Variants in CISTR observed in about 807,000 individuals in gnomAD.
CISTR encodes the protein chondrogenesis-associated transcript, also known as chondrogenic regulator lncRNA.
chr12:53,754,794 A>G (rs1219149234), intron 1 of CISTR, among the ~76,000 whole-genome samples: 1 of 152,080 alleles, frequency 6.6e-6, no homozygotes, highest in Non-Finnish European at 1.5e-5. Context: ...ATCTTGCTTC[A>G]TACTTTCAAT....
At chr12:53,754,041 C>T (rs578244667) in intron 1 of CISTR, among the ~76,000 whole-genome samples, 1 of 151,990 alleles carries the variant, frequency 6.6e-6, no homozygotes, top group Non-Finnish European at 1.5e-5. Flanking sequence ...GACATCTGCT[C>T]AGGCTATGAA....
intron 1 of CISTR, among the ~76,000 whole-genome samples, chr12:53,753,357 A>C (rs983464592): frequency 6.6e-6 from 1 of 152,208 alleles, no homozygotes; most frequent in Non-Finnish European, 1.5e-5. Flanking sequence ...ACCAAGAGGC[A>C]TGGAGCTCTG....
chr12:53,752,281 T>G (rs1313967919), intron 1 of CISTR, among the ~76,000 whole-genome samples: 1 of 152,226 alleles, frequency 6.6e-6, no homozygotes, highest in African/African-American at 2.4e-5. Context: ...CCCTACTAAT[T>G]GGGGCTCTTC....
At chr12:53,753,081 C>CAT (rs1937876137) in intron 1 of CISTR, among the ~76,000 whole-genome samples, 1 of 124,202 alleles carries the variant, frequency 8.1e-6, no homozygotes, top group Non-Finnish European at 1.9e-5. Context: ...CACACACACA[C>CAT]ACACACACAG....
intron 2 of CISTR, among the ~76,000 whole-genome samples, chr12:53,748,638 G>A (rs767180078): frequency 8.5e-5 from 13 of 152,268 alleles, no homozygotes; most frequent in South Asian, 6.2e-4. Context: ...GAGCAGTCAC[G>A]GACACAGAGG....
chr12:53,747,929 C>T (rs1937801371), intron 2 of CISTR, among the ~76,000 whole-genome samples: 1 of 152,126 alleles, frequency 6.6e-6, no homozygotes, highest in African/African-American at 2.4e-5. Flanking sequence ...CTTCCCACAC[C>T]CCCTTCCAGT....
At position 53,751,536 on chromosome 12, in the gene CISTR, G is replaced by A. The variant is rs1253908203; in HGVS notation, n.415-571C>T. 6.6e-6 allele frequency among the ~76,000 whole-genome samples: 1 copy of A among 152,192 alleles called. No individual in the cohort carries two copies. Among genetic ancestry groups the A allele is most frequent in the African/African-American group, 2.4e-5 (1 of 41,452 alleles). On this transcript the variant is annotated intron_variant and non_coding_transcript_variant, in intron 1 of 2. Coordinates refer to ENST00000669269, the Ensembl canonical transcript of CISTR. The surrounding 1 kb of genome is among the most constrained non-coding windows in gnomAD (Gnocchi z 4.6). ...CTGAACAATAAACAAGCTAAACGAG[G>A]CGCGCAGGACTCCCTGGTGGGCCCT...
At chr12:53,749,636 A>G (rs1937823862) in intron 2 of CISTR, among the ~76,000 whole-genome samples, 1 of 152,142 alleles carries the variant, frequency 6.6e-6, no homozygotes, top group Admixed American at 6.5e-5. Context: ...AGCAGGTTTC[A>G]GCAACTGCTG....
At chr12:53,749,628 C>T (rs115207911) in intron 2 of CISTR, among the ~76,000 whole-genome samples, 2,212 of 152,070 alleles carry the variant, frequency 0.015, 62 homozygotes, top group African/African-American at 0.051. Flanking sequence ...TTTAACATAG[C>T]AGGTTTCAGC....
At chr12:53,755,563 T>G (rs1055914507) in intron 1 of CISTR, among the ~76,000 whole-genome samples, 1 of 151,056 alleles carries the variant, frequency 6.6e-6, no homozygotes, top group African/African-American at 2.5e-5. Context: ...AAGATGGAAC[T>G]TGAAGAAATG....
intron 1 of CISTR, among the ~76,000 whole-genome samples, chr12:53,753,089 CAGAG>C (rs3222078): frequency 0.3 from 24,182 of 80,296 alleles, 2,324 homozygotes; most frequent in Non-Finnish European, 0.37. Context: ...CACACACACA[CAGAG>C]AGAGACACAC....
intron 1 of CISTR, among the ~76,000 whole-genome samples, chr12:53,752,440 C>T (rs1457765804): frequency 1.3e-5 from 2 of 152,236 alleles, no homozygotes; most frequent in Non-Finnish European, 2.9e-5. Flanking sequence ...GTTTGAATCC[C>T]AGCCCTGGGC....
At chr12:53,753,354 G>A (rs1021051449) in intron 1 of CISTR, among the ~76,000 whole-genome samples, 21 of 152,160 alleles carry the variant, frequency 1.4e-4, no homozygotes, top group African/African-American at 3.9e-4. Context: ...CCAACCAAGA[G>A]GCATGGAGCT....
rs1442599901 is a variant in CISTR at position 53,753,052 on chromosome 12, T to TCTCACA, written n.415-2088_415-2087insTGTGAG. On this transcript the variant is annotated intron_variant and non_coding_transcript_variant, in intron 1 of 2. Transcript: ENST00000669269. ...ATCATACTTCTCTCCCATCTATACA[T>TCTCACA]CACACACACACACACACACACACAC... is the stretch of plus-strand genomic sequence containing the variant. Among the ~76,000 whole-genome samples, 792 of 121,310 alleles carry TCTCACA rather than the reference T, an allele frequency of 6.5e-3. 9 individuals carry two copies. The highest frequency in any genetic ancestry group is 0.015 in the African/African-American group (484 of 32,640). 79.6% of individuals were successfully genotyped at this position (121,310 alleles called of 152,430 possible). A position where few individuals can be genotyped will look rare whatever the true frequency, so the allele number is the denominator to read the frequency against.
intron 1 of CISTR, among the ~76,000 whole-genome samples, chr12:53,755,473 G>A (rs764461225): frequency 6.6e-6 from 1 of 152,130 alleles, no homozygotes; most frequent in Non-Finnish European, 1.5e-5. Flanking sequence ...CACCTCTTTA[G>A]TGGAGGTATT....
chr12:53,748,229 A>C, intron 2 of CISTR, among the ~76,000 whole-genome samples: 1 of 152,170 alleles, frequency 6.6e-6, no homozygotes, highest in East Asian at 1.9e-4. Context: ...CGGAGGCTGC[A>C]CCGCGGGCCG....
At chr12:53,753,671 T>C (rs890755701) in intron 1 of CISTR, among the ~76,000 whole-genome samples, 2 of 133,696 alleles carry the variant, frequency 1.5e-5, no homozygotes, top group Non-Finnish European at 3.3e-5. Context: ...TAGGGGTGTG[T>C]GTGTGTGTGT....
chr12:53,748,524 G>C (rs1474229504), intron 2 of CISTR, among the ~76,000 whole-genome samples: 2 of 152,184 alleles, frequency 1.3e-5, no homozygotes, highest in Non-Finnish European at 1.5e-5. Context: ...AGGAGAGACA[G>C]ACCTAGAGAC....
At chr12:53,747,452 G>A (rs183780015) in intron 2 of CISTR, among the ~76,000 whole-genome samples, 2 of 152,214 alleles carry the variant, frequency 1.3e-5, no homozygotes, top group Non-Finnish European at 2.9e-5. Flanking sequence ...CTCCGTGGGG[G>A]TGGGCAAGGG....
Sources: gnomAD v4.1 joint callset for allele counts (sites outside exome capture counted in the v4.1 genomes callset) on GRCh38, gnomAD v4.1.1 for gene constraint, Gnocchi (gnomAD v3.1) non-coding constraint, MANE v1.5 for transcripts, NCBI Gene and HGNC (gene_info 2026-07-23, HGNC 2026-07-21) for gene names.